The following CNTN1 variants were observed in gnomAD, a reference collection of about 807,000 sequenced individuals.
The protein encoded by CNTN1 is contactin-1.
In CNTN1, 38 loss-of-function variants were observed where a neutral mutation model predicts 126.4. The observed-to-expected ratio is 0.30, with a 90% CI of 0.23 to 0.39. The LOEUF (loss-of-function observed/expected upper bound fraction) is 0.39. Ranked by LOEUF, CNTN1 falls within the 10% of genes least tolerant of loss-of-function variation. CNTN1 has a pLI of 1.00. For synonymous variants in CNTN1, 413 were observed against 422.6 expected (o/e 0.98, Z 0.28); for missense variants, 1,009 against 1,248.4 (o/e 0.81, Z 2.89).
chr12:40,884,576 G>C (rs1943969248), intron 1 of CNTN1, among the ~76,000 whole-genome samples: 1 of 151,292 alleles, frequency 6.6e-6, no homozygotes. Flanking sequence ...TAGCAGTATA[G>C]GAAAATATTA....
chr12:41,068,701 T>C (rs1950100685), intron 23 of CNTN1, among the ~76,000 whole-genome samples: 1 of 152,232 alleles, frequency 6.6e-6, no homozygotes, highest in African/African-American at 2.4e-5. Flanking sequence ...TTTAATGTGA[T>C]AGATAATAAT....
intron 17 of CNTN1, among the ~76,000 whole-genome samples, chr12:40,993,825 C>T (rs1221769995): frequency 1.3e-5 from 2 of 152,022 alleles, no homozygotes; most frequent in Non-Finnish European, 2.9e-5. Flanking sequence ...AAGTAGACAT[C>T]ATGGTAAATA....
intron 16 of CNTN1, 44 bp from the exon 17 acceptor site, chr12:40,993,076 A>G (rs757326187): frequency 3.2e-6 from 5 of 1,549,314 alleles, no homozygotes; most frequent in Non-Finnish European, 3.6e-6. Flanking sequence ...AAAAGTGATA[A>G]GTTAATCAAC....
intron 23 of CNTN1, among the ~76,000 whole-genome samples, chr12:41,045,980 G>T (rs1432843373): frequency 2.0e-5 from 3 of 152,072 alleles, no homozygotes; most frequent in Non-Finnish European, 2.9e-5. Flanking sequence ...GTTATTGAAG[G>T]TTACAGAAAA....
intron 11 of CNTN1, 141 bp downstream of exon 11, chr12:40,937,828 G>A: frequency 1.5e-6 from 1 of 676,968 alleles, no homozygotes; most frequent in Non-Finnish European, 2.7e-6. Flanking sequence ...TTTATTTATT[G>A]CTAATTATCA....
intron 1 of CNTN1, among the ~76,000 whole-genome samples, chr12:40,701,435 T>C (rs1941593102): frequency 6.6e-6 from 1 of 152,132 alleles, no homozygotes; most frequent in Non-Finnish European, 1.5e-5. Flanking sequence ...GCTTCTAATC[T>C]GATAGTATTT....
chr12:40,933,397 T>C lies in CNTN1; in HGVS notation c.704-64T>C. The C allele has an allele frequency of 2.7e-6, 3 of 1,105,758 alleles. 1 individual carries two copies. The highest frequency in any genetic ancestry group is 4.2e-6 in the Non-Finnish European group (3 of 719,050). 68.5% of individuals were successfully genotyped at this position (1,105,758 alleles called of 1,614,324 possible). On this transcript the variant is annotated intron_variant, in intron 7 of 23. Transcript: ENST00000551295. Reference sequence around the variant, plus strand: ...CAGCTCTAATCCTGTAGAATTACCATGTTTAAGAATAACTAATATTGTGCC... The same window carrying C: ...CAGCTCTAATCCTGTAGAATTACCACGTTTAAGAATAACTAATATTGTGCC...
chr12:40,706,096 T>TTA (rs35315935), intron 1 of CNTN1, among the ~76,000 whole-genome samples: 88,006 of 147,554 alleles, frequency 0.6, 26,893 homozygotes, highest in East Asian at 0.83. Flanking sequence ...ATTTGATGCT[T>TTA]TATATATATA....
intron 17 of CNTN1, among the ~76,000 whole-genome samples, chr12:41,008,335 T>A (rs915238722): frequency 6.6e-6 from 1 of 152,248 alleles, no homozygotes; most frequent in Non-Finnish European, 1.5e-5. Flanking sequence ...GTCATTTTGA[T>A]GAAATGAAAT....
chr12:40,764,071 C>G (rs919896552), intron 1 of CNTN1, among the ~76,000 whole-genome samples: 5 of 152,168 alleles, frequency 3.3e-5, no homozygotes, highest in African/African-American at 1.2e-4. Flanking sequence ...TAAATGCTTT[C>G]CATTAACTGA....
At chr12:40,998,576 G>A (rs1948277661) in intron 17 of CNTN1, among the ~76,000 whole-genome samples, 1 of 152,076 alleles carries the variant, frequency 6.6e-6, no homozygotes, top group African/African-American at 2.4e-5. Context: ...TCCTCTATCA[G>A]AGCAAGCGCT....
chr12:40,955,555 C>A (rs1215602167), intron 14 of CNTN1, among the ~76,000 whole-genome samples: 2 of 151,894 alleles, frequency 1.3e-5, no homozygotes, highest in Admixed American at 6.6e-5. Context: ...CCTGAAAAAA[C>A]CATTTGAAAT....
At chr12:40,772,853 G>T (rs1939396979) in intron 1 of CNTN1, among the ~76,000 whole-genome samples, 3 of 151,818 alleles carry the variant, frequency 2.0e-5, no homozygotes, top group Admixed American at 1.3e-4. Context: ...AGACTAAAAA[G>T]ATTGTAGACC....
At chr12:40,910,018 A>AC in intron 2 of CNTN1, 55 bp from the exon 3 acceptor site, 1 of 1,338,072 alleles carries the variant, frequency 7.5e-7, no homozygotes, top group Non-Finnish European at 1.1e-6. Flanking sequence ...AATGTTTGAA[A>AC]CCACAATTCA....
chr12:40,712,779 C>T (rs534313277), intron 1 of CNTN1, among the ~76,000 whole-genome samples: 1 of 152,040 alleles, frequency 6.6e-6, no homozygotes, highest in South Asian at 2.1e-4. Context: ...ATTTCAGGAA[C>T]CATTGTAATA....
chr12:40,842,772 A>T (rs1360948977), intron 1 of CNTN1, among the ~76,000 whole-genome samples: 1 of 152,150 alleles, frequency 6.6e-6, no homozygotes, highest in African/African-American at 2.4e-5. Flanking sequence ...TGAATAAAAG[A>T]GCACATGAAT....
At position 40,839,175 on chromosome 12, in the gene CNTN1, G is replaced by A. The variant is rs909431081; in HGVS notation, c.-76-69182G>A. 2.0e-5 allele frequency among the ~76,000 whole-genome samples: 3 copies of A among 152,210 alleles called. No homozygotes were observed. The East Asian group carries it at 5.8e-4, about 29-fold the overall frequency. On this transcript the variant is annotated intron_variant, in intron 1 of 23. Transcript: ENST00000551295. ...AAACTGGAAGCTAGATCAGGCAGAA[G>A]AAATAATCTCAGAATTTGAAGATAG...
chr12:41,020,295 TA>T, intron 19 of CNTN1, 41 bp from the exon 20 acceptor site: 1 of 1,271,856 alleles, frequency 7.9e-7, no homozygotes, highest in Non-Finnish European at 1.1e-6. Flanking sequence ...TTCTTAAATG[TA>T]AATATCTCAC....
intron 1 of CNTN1, chr12:40,763,149 T>G (rs912148687): frequency 1.1e-4 from 17 of 152,276 alleles, no homozygotes; most frequent in Admixed American, 4.6e-4. Context: ...CCTGAGGCCC[T>G]GACCAGAAGC....
Sources: allele counts gnomAD v4.1 joint callset (sites outside exome capture counted in the v4.1 genomes callset), GRCh38; gene constraint gnomAD v4.1.1; transcripts MANE v1.5; gene names NCBI Gene and HGNC (gene_info 2026-07-23, HGNC 2026-07-21).